Variants in CERKL observed in about 807,000 individuals in gnomAD.
The protein encoded by CERKL is ceramide kinase-like protein.
A neutral mutation model predicts 63.4 loss-of-function variants in CERKL; 61 were observed. That is an observed-to-expected ratio of 0.96 (90% CI 0.78 to 1.19). The LOEUF (loss-of-function observed/expected upper bound fraction) is 1.19. CERKL is among the 50% of genes most tolerant of loss of function. CERKL has a pLI of 0.00. For synonymous variants in CERKL, 250 were observed against 230.5 expected (o/e 1.08, Z -0.77); for missense variants, 675 against 655.5 (o/e 1.03, Z -0.33).
intron 1 of CERKL, among the ~76,000 whole-genome samples, chr2:181,626,923 T>G (rs1280885124): frequency 6.6e-6 from 1 of 152,258 alleles, no homozygotes; most frequent in Non-Finnish European, 1.5e-5. Flanking sequence ...TTCCCTAGCT[T>G]TCAACATAGA....
intron 1 of CERKL, among the ~76,000 whole-genome samples, chr2:181,642,966 C>T (rs1286221693): frequency 6.6e-6 from 1 of 152,156 alleles, no homozygotes; most frequent in South Asian, 2.1e-4. Flanking sequence ...GATTGCCCAC[C>T]TCTAGTCACT....
chr2:181,630,044 T>C (rs1686886244), intron 1 of CERKL, among the ~76,000 whole-genome samples: 1 of 151,940 alleles, frequency 6.6e-6, no homozygotes, highest in South Asian at 2.1e-4. Context: ...CTTTTTTTTT[T>C]CTTTGAGACA....
At chr2:181,640,784 G>A (rs1687386268) in intron 1 of CERKL, among the ~76,000 whole-genome samples, 1 of 152,082 alleles carries the variant, frequency 6.6e-6, no homozygotes, top group Admixed American at 6.5e-5. Context: ...TCCTACTTTG[G>A]ACAACCCCAT....
chr2:181,625,463 T>C (rs540729638), intron 1 of CERKL, among the ~76,000 whole-genome samples: 1 of 152,158 alleles, frequency 6.6e-6, no homozygotes, highest in Non-Finnish European at 1.5e-5. Flanking sequence ...TCACTTTACA[T>C]ATGAAAATGT....
intron 2 of CERKL, among the ~76,000 whole-genome samples, chr2:181,587,684 A>G (rs1684823515): frequency 6.6e-6 from 1 of 152,152 alleles, no homozygotes; most frequent in Admixed American, 6.5e-5. Flanking sequence ...CTCATAAAAA[A>G]TCCAATTCAA....
intron 1 of CERKL, among the ~76,000 whole-genome samples, chr2:181,618,996 A>G (rs1686334738): frequency 6.6e-6 from 1 of 152,204 alleles, no homozygotes; most frequent in Non-Finnish European, 1.5e-5. Context: ...TTTTTACACC[A>G]TCTATGCAAC....
intron 1 of CERKL, among the ~76,000 whole-genome samples, chr2:181,612,307 T>C (rs887731416): frequency 6.6e-6 from 1 of 152,204 alleles, no homozygotes; most frequent in Non-Finnish European, 1.5e-5. Context: ...AATTACAGAT[T>C]TGTAAGGGCA....
In CERKL at chr2:181,539,278, C is replaced by CAAAT. The variant is rs1687374043; in HGVS notation, c.1366-18_1366-15dup. On this transcript the variant is annotated splice_polypyrimidine_tract_variant and intron_variant, in intron 11 of 12. Coordinates refer to ENST00000410087, the MANE Select transcript of CERKL (RefSeq NM_201548.5). The stretch of plus-strand genomic sequence containing the variant: ...TGGAAAATTGAACTAAAAATAAATA[C>CAAAT]AAATAATCATTATACTTGGTTTATC... 8.6e-6 allele frequency: 13 copies of CAAAT among 1,511,148 alleles called. No homozygotes were observed. Among genetic ancestry groups the CAAAT allele is most frequent in the Middle Eastern group, 1.7e-4 (1 of 5,820 alleles). The allele number at this position is 1,511,148 out of a possible 1,614,324, so 93.6% of individuals were successfully genotyped here.
At chr2:181,580,578 A>C (rs546175834) in intron 2 of CERKL, among the ~76,000 whole-genome samples, 3 of 152,296 alleles carry the variant, frequency 2.0e-5, no homozygotes, top group Non-Finnish European at 4.4e-5. Context: ...CATTCCTGTC[A>C]GTTCTAGAAT....
At chr2:181,560,174 A>G (rs1232838748) in intron 4 of CERKL, among the ~76,000 whole-genome samples, 1 of 152,148 alleles carries the variant, frequency 6.6e-6, no homozygotes, top group South Asian at 2.1e-4. Context: ...TCTCTATGAG[A>G]TTTCTAATCT....
intron 5 of CERKL, 76 bp from the exon 6 acceptor site, chr2:181,549,784 G>T: frequency 2.2e-6 from 2 of 924,476 alleles, no homozygotes; most frequent in Admixed American, 1.7e-5. Flanking sequence ...ACTTTATGTA[G>T]ATGTCATTCT....
chr2:181,568,680 T>C (rs1688768012), intron 3 of CERKL, among the ~76,000 whole-genome samples: 1 of 151,724 alleles, frequency 6.6e-6, no homozygotes, highest in African/African-American at 2.4e-5. Context: ...CTTTTTTTTT[T>C]TTTTTAATTT....
intron 1 of CERKL, among the ~76,000 whole-genome samples, chr2:181,632,981 C>T (rs1300023011): frequency 6.6e-6 from 1 of 152,168 alleles, no homozygotes. Flanking sequence ...AGGGAAATCT[C>T]TCTTTCTCAG....
At chr2:181,587,869 A>G (rs1361953101) in intron 2 of CERKL, among the ~76,000 whole-genome samples, 1 of 152,062 alleles carries the variant, frequency 6.6e-6, no homozygotes, top group African/African-American at 2.4e-5. Context: ...ATTTTTAGTT[A>G]TTTGCAGGGC....
At chr2:181,611,008 G>A (rs903028704) in intron 1 of CERKL, among the ~76,000 whole-genome samples, 2 of 151,806 alleles carry the variant, frequency 1.3e-5, no homozygotes, top group African/African-American at 4.8e-5. Context: ...GCGGATCACA[G>A]GGTCAGGAGT....
chr2:181,624,128 G>C (rs1393739825), intron 1 of CERKL, among the ~76,000 whole-genome samples: 1 of 152,134 alleles, frequency 6.6e-6, no homozygotes, highest in Non-Finnish European at 1.5e-5. Context: ...TAAGAGTAGA[G>C]GGATCAGGCA....
chr2:181,585,136 T>C (rs1051520171), intron 2 of CERKL, among the ~76,000 whole-genome samples: 1 of 152,066 alleles, frequency 6.6e-6, no homozygotes, highest in Non-Finnish European at 1.5e-5. Context: ...TGGTAGTACA[T>C]ACCATCACTT....
chr2:181,641,326 T>TGTGTATGC (rs1271923540), intron 1 of CERKL, among the ~76,000 whole-genome samples: 2 of 19,656 alleles, frequency 1.0e-4, no homozygotes, highest in African/African-American at 3.2e-4. Flanking sequence ...TATATATATA[T>TGTGTATGC]ATATATATAT....
chr2:181,654,092 G>T lies in CERKL; in HGVS notation c.238+2677C>A, dbSNP rs74715772. Among the ~76,000 whole-genome samples the T allele has an allele frequency of 1.4e-4, 21 of 151,778 alleles. No homozygotes were observed. In the East Asian group the frequency reaches 4.1e-3, roughly 29 times the overall value. Reference sequence around the variant, plus strand: ...AGTTATTAGACCAGCTGTTGGATCTGGTTGAGTTAATGTGCTTAAGAAGCA... The same window carrying T: ...AGTTATTAGACCAGCTGTTGGATCTTGTTGAGTTAATGTGCTTAAGAAGCA... On this transcript the variant is annotated intron_variant, in intron 1 of 12. Coordinates refer to ENST00000410087, the MANE Select transcript of CERKL (RefSeq NM_201548.5).
Sources: allele counts gnomAD v4.1 joint callset (sites outside exome capture counted in the v4.1 genomes callset), GRCh38; gene constraint gnomAD v4.1.1; transcripts MANE v1.5; gene names NCBI Gene and HGNC (gene_info 2026-07-23, HGNC 2026-07-21).